The following CIB1 variants were observed in gnomAD, a reference collection of about 807,000 sequenced individuals.
CIB1 encodes the protein calcium and integrin-binding protein 1.
CIB1 carries 19 observed loss-of-function variants against 25.0 expected under a neutral mutation model. The observed-to-expected ratio is 0.76, with a 90% CI of 0.53 to 1.12. CIB1 has a LOEUF of 1.12. Among genes scored for constraint, CIB1 ranks in the 50% most tolerant of loss-of-function variants. The probability of loss-of-function intolerance (pLI) is 0.00; values close to 1 mark genes in which losing one functional copy is unlikely to be tolerated. For missense variants in CIB1, 236 were observed against 242.6 expected, an observed-to-expected ratio of 0.97 and a Z score of 0.18; for synonymous variants, 104 against 98.5, an observed-to-expected ratio of 1.06 and a Z score of -0.33.
the CIB1 span, chr15:90,262,502 G>A: frequency 1.3e-6 from 2 of 1,498,682 alleles, no homozygotes; most frequent in Non-Finnish European, 8.8e-7. Flanking sequence ...GCAGCAACTA[G>A]AGGAGATCCG....
At chr15:90,240,862 T>TTACC in the CIB1 span, 1 of 1,295,300 alleles carries the variant, frequency 7.7e-7, no homozygotes, top group Non-Finnish European at 1.1e-6. Context: ...TGGAGGTGGG[T>TTACC]TACCATCATG....
At chr15:90,263,189 G>T in the CIB1 span, 1 of 1,468,536 alleles carries the variant, frequency 6.8e-7, no homozygotes, top group South Asian at 1.3e-5. Flanking sequence ...GGGAACAAGG[G>T]CTGTCATTCC....
chr15:90,241,859 G>T, the CIB1 span: 2 of 1,614,192 alleles, frequency 1.2e-6, no homozygotes, highest in South Asian at 1.1e-5. Flanking sequence ...GGGCCCGGAA[G>T]TCCAGCTTTG....
At chr15:90,237,224 G>T (rs1962654003), upstream of CIB1, among the ~76,000 whole-genome samples, 1 of 151,192 alleles carries the variant, frequency 6.6e-6, no homozygotes, top group Non-Finnish European at 1.5e-5. Context: ...CCCCCAGAGT[G>T]CTGGGATTAC....
the CIB1 span, chr15:90,259,131 G>C: frequency 2.4e-6 from 3 of 1,245,090 alleles, no homozygotes; most frequent in East Asian, 6.4e-5. Flanking sequence ...GGGAGGCTGA[G>C]GCAGGAGGAT....
chr15:90,232,775 G>A (rs891583957), intron 2 of CIB1, among the ~76,000 whole-genome samples: 1 of 151,944 alleles, frequency 6.6e-6, no homozygotes, highest in Non-Finnish European at 1.5e-5. Context: ...GCATGGTGGC[G>A]GGTGCCTATA....
the CIB1 span, chr15:90,265,011 G>A: frequency 6.7e-7 from 1 of 1,497,936 alleles, no homozygotes; most frequent in Non-Finnish European, 8.9e-7. Flanking sequence ...AACCTCCCCA[G>A]GTTTCCAAAG....
chr15:90,256,375 G>A, the CIB1 span: 50 of 1,582,150 alleles, frequency 3.2e-5, no homozygotes, highest in Admixed American at 7.4e-4. Flanking sequence ...AAGCCAGGGA[G>A]GAAGCTGGTC....
the CIB1 span, chr15:90,244,991 G>C: frequency 1.3e-5 from 2 of 152,416 alleles, no homozygotes; most frequent in Non-Finnish European, 2.9e-5. Flanking sequence ...CACCCAGGAG[G>C]GGTTTTGATT....
the CIB1 span, chr15:90,255,858 T>C: frequency 6.2e-7 from 1 of 1,614,084 alleles, no homozygotes; most frequent in Non-Finnish European, 8.5e-7. Flanking sequence ...TACAACATCT[T>C]CCCCCGCACC....
the CIB1 span, chr15:90,263,652 G>A: frequency 6.6e-6 from 4 of 605,136 alleles, no homozygotes; most frequent in Non-Finnish European, 1.2e-5. Context: ...CCGCGGCCTA[G>A]AAGAGATTTT....
chr15:90,231,280 C>G, intron 4 of CIB1, 67 bp from the exon 5 acceptor site: 2 of 1,608,080 alleles, frequency 1.2e-6, no homozygotes, highest in Non-Finnish European at 1.7e-6. Context: ...CCAAACGGCG[C>G]CCATTTCCCA....
chr15:90,257,861 C>A, the CIB1 span: 1 of 959,966 alleles, frequency 1.0e-6, no homozygotes, highest in Non-Finnish European at 1.6e-6. Flanking sequence ...TGTGCCTGCA[C>A]TTTGGAGCTC....
chr15:90,258,273 AG>A, the CIB1 span: 2,611 of 1,614,096 alleles, frequency 1.6e-3, 35 homozygotes, highest in African/African-American at 0.031. Context: ...GCTAGAGGTG[AG>A]GATTATCTCC....
chr15:90,252,043 C>CTTT, the CIB1 span, among the ~76,000 whole-genome samples: 1 of 133,474 alleles, frequency 7.5e-6, no homozygotes, highest in African/African-American at 2.7e-5. Flanking sequence ...TCACCTAATT[C>CTTT]TTTTTTTTTT....
At chr15:90,263,495 G>A in the CIB1 span, 1 of 509,386 alleles carries the variant, frequency 2.0e-6, no homozygotes, top group African/African-American at 1.9e-5. Flanking sequence ...CCCTAGCACT[G>A]CCAGTGCCCC....
At chr15:90,247,246 T>C in the CIB1 span, among the ~76,000 whole-genome samples, 2 of 151,378 alleles carry the variant, frequency 1.3e-5, no homozygotes, top group African/African-American at 4.9e-5. Context: ...AGTGCTGGGA[T>C]TACAGCCATG....
the CIB1 span, chr15:90,265,629 G>A: frequency 1.9e-6 from 3 of 1,548,514 alleles, no homozygotes; most frequent in African/African-American, 2.7e-5. Flanking sequence ...CCCAGCCTCC[G>A]GCCCGCCCCT....
chr15:90,254,508 A>G, the CIB1 span, among the ~76,000 whole-genome samples: 8 of 150,242 alleles, frequency 5.3e-5, no homozygotes, highest in East Asian at 1.4e-3. Flanking sequence ...AAAAAAAAAA[A>G]AAGGACGCTC....
Sources: allele counts gnomAD v4.1 joint callset (sites outside exome capture counted in the v4.1 genomes callset), GRCh38; gene constraint gnomAD v4.1.1; transcripts MANE v1.5; gene names NCBI Gene and HGNC (gene_info 2026-07-23, HGNC 2026-07-21).